The following ASAH1 variants were observed in gnomAD, a reference collection of about 807,000 sequenced individuals.
The protein encoded by ASAH1 is N-acylsphingosine amidohydrolase 1.
ASAH1 carries 70 observed loss-of-function variants against 59.5 expected under a neutral mutation model. The ratio of observed to expected loss-of-function variants is 1.18; its 90% CI spans 0.97 to 1.43. The LOEUF is 1.43. Ranked by LOEUF, ASAH1 falls within the 40% of genes most tolerant of loss-of-function variation. The probability of loss-of-function intolerance (pLI) is 0.00; values close to 1 mark genes in which losing one functional copy is unlikely to be tolerated. For synonymous variants in ASAH1, 213 were observed against 166.5 expected, an observed-to-expected ratio of 1.28 and a Z score of -2.15; for missense variants, 660 against 482.5, an observed-to-expected ratio of 1.37 and a Z score of -3.45.
At position 18,067,228 on chromosome 8, in the gene ASAH1, A is replaced by T. The variant is rs138224188; in HGVS notation, c.374T>A (p.Ile125Lys). 1 of 1,601,408 alleles carries T rather than the reference A, an allele frequency of 6.2e-7. No homozygotes were observed. The highest frequency in any genetic ancestry group is 8.5e-7 in the Non-Finnish European group (1 of 1,171,862). ...EMKGIAAVTD[I>K]PLGEIISFNI... is the part of the protein sequence containing the mutation. ...TTCTAAGTGAACTTTACCTAAAGGT[A>T]TATCAGTAACAGCGGCAATACCCTT... is the stretch of plus-strand genomic sequence containing the variant. Residue 125 changes from isoleucine (I) to lysine (K), a missense_variant, in exon 5 of 14, where the codon ATA becomes AAA. Physicochemically the swap from Ile to Lys is moderately radical, Grantham distance 102. Coordinates refer to ENST00000637790, the MANE Select transcript of ASAH1 (RefSeq NM_177924.5).
chr8:18,077,586 C>T (rs867358746), intron 1 of ASAH1, among the ~76,000 whole-genome samples: 6 of 152,148 alleles, frequency 3.9e-5, no homozygotes, highest in Admixed American at 2.0e-4. Flanking sequence ...AAAAATCACT[C>T]AAAAATCACA....
At chr8:18,061,285 A>G in intron 10 of ASAH1, 92 bp downstream of exon 10, 1 of 1,153,302 alleles carries the variant, frequency 8.7e-7, no homozygotes, top group Non-Finnish European at 1.2e-6. Context: ...TAGTTCCTCA[A>G]AGGATTAAGC....
At chr8:18,071,440 G>C (rs1269718761) in intron 2 of ASAH1, 50 bp from the exon 3 acceptor site, 5 of 1,195,704 alleles carry the variant, frequency 4.2e-6, no homozygotes, top group Non-Finnish European at 4.9e-6. Flanking sequence ...TTTTTTGTGA[G>C]GGTCAGTTAG....
intron 1 of ASAH1, among the ~76,000 whole-genome samples, chr8:18,079,604 C>T (rs925633556): frequency 1.3e-5 from 2 of 152,130 alleles, no homozygotes; most frequent in African/African-American, 4.8e-5. Flanking sequence ...TTTTAAAAGT[C>T]CAGAAAGCCC....
chr8:18,062,041 C>T (rs1188313539), intron 8 of ASAH1: 2 of 631,436 alleles, frequency 3.2e-6, no homozygotes, highest in Non-Finnish European at 5.4e-6. Context: ...GATTGTGACT[C>T]CCAGCCCTTG....
Position 18,059,826 on chromosome 8 carries a change from ATAGG to A in ASAH1, c.786-127_786-124del, listed in dbSNP as rs1250052521. 6 of 968,344 alleles carry A rather than the reference ATAGG, an allele frequency of 6.2e-6. No homozygotes were observed. In the Admixed American group the frequency reaches 1.2e-4, roughly 19 times the overall value. 60.0% of individuals were successfully genotyped at this position (968,344 alleles called of 1,614,324 possible). On this transcript the variant is annotated intron_variant, in intron 10 of 13. Transcript: ENST00000637790. ...TGTGCTGAACGTGCAGGTTTGTTACATAGGTACACACGTGCCATGGTGGTTTGCT... is the reference window on the plus strand; with the variant it reads ...TGTGCTGAACGTGCAGGTTTGTTACATACACACGTGCCATGGTGGTTTGCT...
At chr8:18,083,163 T>A (rs920879380) in intron 1 of ASAH1, 1 of 152,244 alleles carries the variant, frequency 6.6e-6, no homozygotes. Flanking sequence ...TCAGGCCAGA[T>A]GCGCCAGGTT....
rs1049615091 is a variant in ASAH1 at position 18,067,405 on chromosome 8, G to C, written c.304-107C>G. On this transcript the variant is annotated intron_variant, in intron 4 of 13. Coordinates refer to ENST00000637790, the MANE Select transcript of ASAH1 (RefSeq NM_177924.5). Reference sequence around the variant, plus strand: ...AAGCATGCTTTGAAATCTAGTTCTTGGACATATAATTTTTTCTAGATACTG... The same window carrying C: ...AAGCATGCTTTGAAATCTAGTTCTTCGACATATAATTTTTTCTAGATACTG... The C allele has an allele frequency of 7.1e-6, 5 of 701,854 alleles. No individual in the cohort carries two copies. In the African/African-American group the frequency reaches 9.4e-5, roughly 13 times the overall value. The allele number at this position is 701,854 out of a possible 1,614,324, so 43.5% of individuals were successfully genotyped here.
chr8:18,070,741 T>C (rs1800135878), intron 3 of ASAH1, among the ~76,000 whole-genome samples: 1 of 152,240 alleles, frequency 6.6e-6, no homozygotes, highest in East Asian at 1.9e-4. Context: ...CCTCTTTTCC[T>C]CTGCTGTCAC....
At chr8:18,083,783 G>A (rs967059469) in intron 1 of ASAH1, 198 bp downstream of exon 1, 17 of 1,081,446 alleles carry the variant, frequency 1.6e-5, no homozygotes, top group Non-Finnish European at 1.8e-5. Context: ...TCTAGTTGCA[G>A]GTAGCACCGA....
At position 18,059,328 on chromosome 8, in the gene ASAH1, C is replaced by G. The variant is rs998426454; in HGVS notation, c.1041+13G>C. ...GCAACAGTTTCTTTCTATAGATGAC[C>G]CTGCAAAGGTACCTCTTGGCTGGTG... On this transcript the variant is annotated intron_variant, in intron 12 of 13. Coordinates refer to ENST00000637790, the MANE Select transcript of ASAH1 (RefSeq NM_177924.5). 4 of 1,614,122 alleles carry G rather than the reference C, an allele frequency of 2.5e-6. No homozygotes were observed. Among genetic ancestry groups the G allele is most frequent in the Admixed American group, 1.7e-5 (1 of 60,016 alleles).
intron 1 of ASAH1, among the ~76,000 whole-genome samples, chr8:18,079,283 A>AC (rs1208194756): frequency 2.6e-5 from 4 of 151,456 alleles, no homozygotes; most frequent in African/African-American, 9.7e-5. Context: ...AGAAAAAAAA[A>AC]AAAAACAAAA....
In ASAH1 at chr8:18,061,721, A is replaced by G; in HGVS notation, c.668T>C (p.Leu223Pro). Reference protein sequence around the residue: ...GFKPGLFSLTLNERFSINGGY... With the variant: ...GFKPGLFSLTPNERFSINGGY... ...ACCATTTATACTGAAACGTTCATTC[A>G]GTGTAAGACTGAACAGTCCCTGAGA... is the stretch of plus-strand genomic sequence containing the variant. Residue 223 changes from leucine to proline, a missense_variant, in exon 9 of 14, where the codon CTG becomes CCG. Coordinates refer to ENST00000637790, the MANE Select transcript of ASAH1 (RefSeq NM_177924.5). 6.3e-7 allele frequency: 1 copy of G among 1,581,082 alleles called. No homozygotes were observed. Among genetic ancestry groups the G allele is most frequent in the East Asian group, 2.3e-5 (1 of 43,228 alleles).
chr8:18,068,789 C>T (rs1230082146), intron 4 of ASAH1: 3 of 152,394 alleles, frequency 2.0e-5, no homozygotes, highest in Non-Finnish European at 4.4e-5. Flanking sequence ...ACACCCACCC[C>T]AGGCCGGGCA....
intron 3 of ASAH1, 40 bp downstream of exon 3, chr8:18,071,257 AAAT>A (rs1471154273): frequency 1.3e-4 from 143 of 1,065,510 alleles, no homozygotes; most frequent in Admixed American, 4.7e-4. Flanking sequence ...ATAAAATAAA[AAAT>A]AAAAATAAAG....
At chr8:18,072,549 C>T (rs529766433) in intron 2 of ASAH1, among the ~76,000 whole-genome samples, 1 of 152,262 alleles carries the variant, frequency 6.6e-6, no homozygotes, top group African/African-American at 2.4e-5. Context: ...TAAACAAAAT[C>T]ATAGTGAACG....
chr8:18,079,167 G>A (rs1452180909), intron 1 of ASAH1, among the ~76,000 whole-genome samples: 1 of 151,148 alleles, frequency 6.6e-6, no homozygotes, highest in African/African-American at 2.4e-5. Flanking sequence ...TAGGTACTCG[G>A]AAGGCTGAGG....
chr8:18,072,744 C>T (rs1800225753), intron 2 of ASAH1, among the ~76,000 whole-genome samples: 2 of 152,272 alleles, frequency 1.3e-5, no homozygotes, highest in Non-Finnish European at 2.9e-5. Flanking sequence ...AATTATTGTT[C>T]CCCATATTAT....
At chr8:18,071,238 A>C in intron 3 of ASAH1, 62 bp downstream of exon 3, 1 of 844,694 alleles carries the variant, frequency 1.2e-6, no homozygotes, top group South Asian at 3.2e-5. Context: ...AATAAATAAA[A>C]ATAAAGAAAT....
Sources: allele counts gnomAD v4.1 joint callset (sites outside exome capture counted in the v4.1 genomes callset), GRCh38; gene constraint gnomAD v4.1.1; transcripts MANE v1.5; gene names NCBI Gene and HGNC (gene_info 2026-07-23, HGNC 2026-07-21).